The following MAD1L1 variants were observed in gnomAD, a reference collection of about 807,000 sequenced individuals.
MAD1L1 encodes mitotic spindle assembly checkpoint protein MAD1.
A neutral mutation model predicts 96.9 loss-of-function variants in MAD1L1; 95 were observed. That is an observed-to-expected ratio of 0.98 (90% CI 0.83 to 1.16). The LOEUF is 1.16. MAD1L1 is among the 50% of genes most tolerant of loss of function. The pLI, the probability that MAD1L1 is intolerant of heterozygous loss-of-function variation, is 0.00. For synonymous variants in MAD1L1, 473 were observed against 396.6 expected, an observed-to-expected ratio of 1.19 and a Z score of -2.29; for missense variants, 1,007 against 954.4, an observed-to-expected ratio of 1.06 and a Z score of -0.73.
chr7:1,924,930 A>T (rs977307467), intron 17 of MAD1L1, among the ~76,000 whole-genome samples: 2 of 152,208 alleles, frequency 1.3e-5, no homozygotes, highest in Non-Finnish European at 2.9e-5. Flanking sequence ...ATTGTAAACC[A>T]CAGAAAAATC....
chr7:1,843,116 CAT>C (rs768742742), intron 18 of MAD1L1, among the ~76,000 whole-genome samples: 21 of 152,346 alleles, frequency 1.4e-4, no homozygotes, highest in Admixed American at 1.0e-3. Flanking sequence ...CAAGACCACA[CAT>C]GAGGCCCCGA....
Position 1,976,530 on chromosome 7 carries a change from T to C in MAD1L1, c.1505+3923A>G, listed in dbSNP as rs549285774. On this transcript the variant is annotated intron_variant, in intron 15 of 18. Coordinates refer to ENST00000265854, the MANE Select transcript of MAD1L1 (RefSeq NM_001013836.2). ...GTGAGTGCTACATCTCATAAAGCAG[T>C]GCGGACCCAAAGAGTGAGCAGCAGC... Among the ~76,000 whole-genome samples the C allele has an allele frequency of 5.9e-5, 9 of 152,310 alleles. No individual in the cohort carries two copies. In the East Asian group the frequency reaches 1.7e-3, roughly 29 times the overall value.
chr7:2,168,236 G>A (rs1366397786), intron 10 of MAD1L1, among the ~76,000 whole-genome samples: 2 of 152,270 alleles, frequency 1.3e-5, no homozygotes, highest in East Asian at 3.9e-4. Context: ...AGTGAGCCGA[G>A]ATCGTGCCAC....
chr7:1,927,424 C>T (rs545172142), intron 17 of MAD1L1, among the ~76,000 whole-genome samples: 7 of 152,238 alleles, frequency 4.6e-5, no homozygotes, highest in African/African-American at 1.4e-4. Flanking sequence ...CTGCTGATTT[C>T]GAGACTTACT....
chr7:1,833,492 G>A (rs182769861), intron 18 of MAD1L1, among the ~76,000 whole-genome samples: 1 of 152,286 alleles, frequency 6.6e-6, no homozygotes, highest in South Asian at 2.1e-4. Flanking sequence ...CAGAAAATTG[G>A]CAAGGATATA....
At chr7:1,841,177 C>T (rs1434261576) in intron 18 of MAD1L1, among the ~76,000 whole-genome samples, 4 of 152,356 alleles carry the variant, frequency 2.6e-5, no homozygotes, top group African/African-American at 4.8e-5. Flanking sequence ...CCAGAGCACA[C>T]GGCCACCAAT....
At chr7:1,939,832 CG>C (rs1241653081) in intron 16 of MAD1L1, among the ~76,000 whole-genome samples, 3 of 146,744 alleles carry the variant, frequency 2.0e-5, no homozygotes, top group Non-Finnish European at 4.6e-5. Context: ...CGAAGGACGG[CG>C]AGGCCTGGCT....
At position 2,069,313 on chromosome 7, in the gene MAD1L1, G is replaced by A. The variant is rs1005465491; in HGVS notation, c.1099C>T (p.Gln367Ter). ...SSARGLEKAR[Q>*]QLQEELRQVS... Reference sequence around the variant, plus strand: ...TGCCGGAGCTCCTCCTGCAGCTGCTGCCTGGCCTTCTCCAGCCCCCGGGCG... The same window carrying A: ...TGCCGGAGCTCCTCCTGCAGCTGCTACCTGGCCTTCTCCAGCCCCCGGGCG... Residue 367 changes from glutamine (Q) to a stop codon, truncating the protein, a stop_gained, in exon 12 of 19, where the codon CAG becomes TAG. Coordinates refer to ENST00000265854, the MANE Select transcript of MAD1L1 (RefSeq NM_001013836.2). LOFTEE classifies it high-confidence loss of function. 6.2e-7 allele frequency: 1 copy of A among 1,606,222 alleles called. No individual in the cohort carries two copies. The highest frequency in any genetic ancestry group is 8.5e-7 in the Non-Finnish European group (1 of 1,178,340).
chr7:1,957,691 G>A lies in MAD1L1; in HGVS notation c.1534C>T (p.Arg512Trp), dbSNP rs765857708. The A allele has an allele frequency of 1.9e-5, 31 of 1,613,980 alleles. No homozygotes were observed. Among genetic ancestry groups the A allele is most frequent in the East Asian group, 4.5e-5 (2 of 44,892 alleles). Residue 512 changes from arginine to tryptophan, a missense_variant, in exon 16 of 19, where the codon CGG (arginine) becomes TGG (tryptophan). Transcript: ENST00000265854. ...CTCTTTTCCTCCTCCAGCCGACTCC[G>A]CTCGCCTTCCAGCTCCTCGACCTTC... ...RLKVEELEGERSRLEEEKRML... is the reference protein window; with the variant it reads ...RLKVEELEGEWSRLEEEKRML...
chr7:2,057,776 G>C (rs1355774371), intron 12 of MAD1L1, among the ~76,000 whole-genome samples: 1 of 152,208 alleles, frequency 6.6e-6, no homozygotes, highest in Non-Finnish European at 1.5e-5. Context: ...AAGACTCTTA[G>C]AAAAGCACAA....
In MAD1L1 at chr7:2,225,559, G is replaced by T. The variant is rs1179413429; in HGVS notation, c.151-9C>A. On this transcript the variant is annotated splice_polypyrimidine_tract_variant and intron_variant, in intron 3 of 18. Coordinates refer to ENST00000265854, the MANE Select transcript of MAD1L1 (RefSeq NM_001013836.2). ...TCTGCTCTTTCCTCCAGCTGAGCAG[G>T]TCGCACCCAAAGAAAAACAGAATCC... 1.2e-6 allele frequency: 2 copies of T among 1,612,672 alleles called. No individual in the cohort carries two copies. Among genetic ancestry groups the T allele is most frequent in the Admixed American group, 1.7e-5 (1 of 59,996 alleles).
At chr7:1,816,348 C>T (rs1265529079) in intron 18 of MAD1L1, 120 bp from the exon 19 acceptor site, 6 of 987,582 alleles carry the variant, frequency 6.1e-6, no homozygotes, top group Non-Finnish European at 7.7e-6. Context: ...AGGACCTGGA[C>T]AGGGGTAGAT....
intron 10 of MAD1L1, among the ~76,000 whole-genome samples, chr7:2,164,612 G>C (rs1006642979): frequency 1.3e-5 from 2 of 149,882 alleles, no homozygotes; most frequent in Non-Finnish European, 3.0e-5. Context: ...GGGGGGTTGC[G>C]GGTGGTAGAG....
In MAD1L1 at chr7:2,114,177, T is replaced by C. The variant is rs1409279898; in HGVS notation, c.1073+34975A>G. ...ACGACTTCTGCAACTTTCCTGTCAG[T>C]GTAACATTATGTCAAAATGAAAAGT... On this transcript the variant is annotated intron_variant, in intron 11 of 18. Transcript: ENST00000265854. This position sits in a 1 kb window ranked among gnomAD's most constrained non-coding sequence, Gnocchi z 4.2. 2.6e-5 allele frequency among the ~76,000 whole-genome samples: 4 copies of C among 152,318 alleles called. No individual in the cohort carries two copies. In the East Asian group the frequency reaches 5.8e-4, roughly 22 times the overall value.
At chr7:2,036,987 G>A (rs1010457191) in intron 12 of MAD1L1, among the ~76,000 whole-genome samples, 9 of 152,004 alleles carry the variant, frequency 5.9e-5, no homozygotes, top group Non-Finnish European at 8.8e-5. Context: ...TCCCCCCACA[G>A]CACGAGCTTC....
chr7:2,181,730 C>A lies in MAD1L1; in HGVS notation c.986+31482G>T, dbSNP rs143891331. On this transcript the variant is annotated intron_variant, in intron 10 of 18. Coordinates refer to ENST00000265854, the MANE Select transcript of MAD1L1 (RefSeq NM_001013836.2). ...AAAAAGACACGTGCACACGCATGTT[C>A]ACAGCAGCACAATTTGCAACTGCAA... Among the ~76,000 whole-genome samples, 3 of 152,272 alleles carry A rather than the reference C, an allele frequency of 2.0e-5. No individual in the cohort carries two copies. In the East Asian group the frequency reaches 5.8e-4, roughly 29 times the overall value.
At chr7:2,048,036 C>G (rs1293904379) in intron 12 of MAD1L1, among the ~76,000 whole-genome samples, 1 of 152,170 alleles carries the variant, frequency 6.6e-6, no homozygotes, top group Non-Finnish European at 1.5e-5. Context: ...CACGTATGGA[C>G]ACACACATAC....
intron 12 of MAD1L1, among the ~76,000 whole-genome samples, chr7:2,062,498 C>G (rs1784706163): frequency 6.6e-6 from 1 of 151,966 alleles, no homozygotes; most frequent in Non-Finnish European, 1.5e-5. Flanking sequence ...TTGCTTGAAC[C>G]TGGGAGGCGG....
At chr7:2,165,511 C>T (rs1790382240) in intron 10 of MAD1L1, among the ~76,000 whole-genome samples, 1 of 130,330 alleles carries the variant, frequency 7.7e-6, no homozygotes, top group Non-Finnish European at 1.7e-5. Flanking sequence ...GCCTGCCGCA[C>T]TCCAGCCACC....
Sources: allele counts gnomAD v4.1 joint callset (sites outside exome capture counted in the v4.1 genomes callset), GRCh38; gene constraint gnomAD v4.1.1; non-coding constraint Gnocchi (gnomAD v3.1); transcripts MANE v1.5; gene names NCBI Gene and HGNC (gene_info 2026-07-23, HGNC 2026-07-21).